The following TBCK variants were observed in gnomAD, a reference collection of about 807,000 sequenced individuals.
TBCK encodes TBC1 domain containing kinase.
A neutral mutation model predicts 113.4 loss-of-function variants in TBCK; 99 were observed. The ratio of observed to expected loss-of-function variants is 0.87; its 90% CI spans 0.74 to 1.03. The LOEUF (loss-of-function observed/expected upper bound fraction) is 1.03. Among genes scored for constraint, TBCK ranks in the 50% least tolerant of loss-of-function variants. The probability of loss-of-function intolerance (pLI) is 0.00; values close to 1 mark genes in which losing one functional copy is unlikely to be tolerated. For synonymous variants in TBCK, 369 were observed against 370.8 expected (o/e 1.00, Z 0.05); for missense variants, 1,045 against 1,061.3 (o/e 0.98, Z 0.21).
At chr4:106,092,741 G>GTGC (rs1174032472) in intron 25 of TBCK, among the ~76,000 whole-genome samples, 2 of 152,238 alleles carry the variant, frequency 1.3e-5, no homozygotes, top group Non-Finnish European at 2.9e-5. Flanking sequence ...TGCAAGCAAT[G>GTGC]TGCGCAGTCC....
intron 25 of TBCK, among the ~76,000 whole-genome samples, chr4:106,048,498 T>C (rs1046991891): frequency 3.9e-5 from 6 of 152,080 alleles, no homozygotes; most frequent in Admixed American, 3.9e-4. Flanking sequence ...CATCCTGTTC[T>C]TACTTCTCTT....
intron 1 of TBCK, 109 bp from the exon 2 acceptor site, chr4:106,309,098 C>G: frequency 1.7e-6 from 1 of 597,908 alleles, no homozygotes; most frequent in South Asian, 3.0e-5. Flanking sequence ...GAACACTTCA[C>G]AGTAAAAATA....
chr4:106,069,092 G>A (rs1336123242), intron 25 of TBCK, among the ~76,000 whole-genome samples: 2 of 152,130 alleles, frequency 1.3e-5, no homozygotes, highest in African/African-American at 4.8e-5. Flanking sequence ...CATTCTATAG[G>A]TTGCCTGTTC....
At chr4:106,218,362 G>T (rs1212947119) in intron 19 of TBCK, among the ~76,000 whole-genome samples, 1 of 149,488 alleles carries the variant, frequency 6.7e-6, no homozygotes, top group Non-Finnish European at 1.5e-5. Context: ...AGACAAAATT[G>T]ACAAATGGGA....
At chr4:106,257,105 G>A (rs1321645586) in intron 5 of TBCK, among the ~76,000 whole-genome samples, 1 of 152,032 alleles carries the variant, frequency 6.6e-6, no homozygotes, top group Non-Finnish European at 1.5e-5. Flanking sequence ...AATTTAAGAA[G>A]CAGGTAGTAA....
intron 23 of TBCK, among the ~76,000 whole-genome samples, chr4:106,123,278 T>A (rs981050666): frequency 4.6e-5 from 7 of 152,120 alleles, no homozygotes; most frequent in Non-Finnish European, 8.8e-5. Context: ...CACAATTGCT[T>A]CAAAGAGAAT....
chr4:106,119,972 C>T (rs76328851), intron 23 of TBCK, among the ~76,000 whole-genome samples: 19,686 of 152,112 alleles, frequency 0.13, 1,608 homozygotes, highest in South Asian at 0.24. Flanking sequence ...GCCAAGATGG[C>T]CGAATAGGAA....
At chr4:106,120,086 T>C (rs1260353873) in intron 23 of TBCK, among the ~76,000 whole-genome samples, 2 of 152,030 alleles carry the variant, frequency 1.3e-5, no homozygotes, top group Non-Finnish European at 2.9e-5. Context: ...TGCCAGACAG[T>C]GGGCGCAGGT....
At chr4:106,150,960 T>C (rs1215487963) in intron 23 of TBCK, among the ~76,000 whole-genome samples, 1 of 152,072 alleles carries the variant, frequency 6.6e-6, no homozygotes, top group East Asian at 1.9e-4. Context: ...AACAGTCCTT[T>C]CCTTAATGCA....
At chr4:106,145,437 T>C (rs1282037281) in intron 23 of TBCK, among the ~76,000 whole-genome samples, 1 of 152,244 alleles carries the variant, frequency 6.6e-6, no homozygotes, top group Non-Finnish European at 1.5e-5. Flanking sequence ...TTTATACTCA[T>C]GCTCACACAT....
intron 25 of TBCK, among the ~76,000 whole-genome samples, chr4:106,057,450 C>T (rs1735563569): frequency 6.6e-6 from 1 of 151,706 alleles, no homozygotes; most frequent in Admixed American, 6.6e-5. Flanking sequence ...TTCTAAAAAC[C>T]TTTAATAGCT....
Position 106,144,654 on chromosome 4 carries a change from TTA to T in TBCK, c.2235+26439_2235+26440del, listed in dbSNP as rs777185615. ...AAGTCTGTTCTTTTTAAAAAAATGA[TTA>T]TCTTTCTTTTGGCTTTTCCTTAATC... On this transcript the variant is annotated intron_variant, in intron 23 of 25. Transcript: ENST00000394708. Among the ~76,000 whole-genome samples the T allele has an allele frequency of 5.8e-4, 89 of 152,326 alleles. 3 individuals are homozygous for T. The highest frequency in any genetic ancestry group is 1.7e-3 in the Admixed American group (26 of 15,300).
At chr4:106,282,448 G>C (rs905295791) in intron 3 of TBCK, among the ~76,000 whole-genome samples, 1 of 150,296 alleles carries the variant, frequency 6.7e-6, no homozygotes, top group Non-Finnish European at 1.5e-5. Context: ...TACTAATTTT[G>C]GGATTGGTTT....
chr4:106,113,155 A>T (rs1158501786), intron 24 of TBCK, among the ~76,000 whole-genome samples: 1 of 152,236 alleles, frequency 6.6e-6, no homozygotes, highest in African/African-American at 2.4e-5. Flanking sequence ...GCCTACAAAA[A>T]TTAAAACTAA....
chr4:106,202,512 T>C (rs1484022977), intron 20 of TBCK, among the ~76,000 whole-genome samples: 1 of 152,088 alleles, frequency 6.6e-6, no homozygotes, highest in African/African-American at 2.4e-5. Flanking sequence ...TACGTTTTCA[T>C]TGAACACAGC....
intron 25 of TBCK, among the ~76,000 whole-genome samples, chr4:106,067,855 C>G (rs576434622): frequency 6.6e-6 from 1 of 152,196 alleles, no homozygotes; most frequent in South Asian, 2.1e-4. Context: ...GTCTATATGT[C>G]TATCATTATG....
At chr4:106,205,282 C>G (rs1052208246) in intron 20 of TBCK, among the ~76,000 whole-genome samples, 3 of 152,048 alleles carry the variant, frequency 2.0e-5, no homozygotes, top group Admixed American at 2.0e-4. Flanking sequence ...GTTGGAAGAT[C>G]TGTGTAACTC....
intron 19 of TBCK, among the ~76,000 whole-genome samples, chr4:106,214,575 C>G (rs1166696670): frequency 1.3e-5 from 2 of 151,920 alleles, no homozygotes; most frequent in African/African-American, 4.8e-5. Context: ...AATGCAGAAG[C>G]GTCAGGAGCC....
rs1759319806 is a variant in TBCK, at chr4:106,235,286, C to G, written c.1432G>C (p.Ala478Pro). Reference sequence around the variant, plus strand: ...TTCCTTACCTCAACTCCCAGAAGAGCAGCCCAGGTTAAACCTCTCATAAGA... The same window carrying G: ...TTCCTTACCTCAACTCCCAGAAGAGGAGCCCAGGTTAAACCTCTCATAAGA... Reference protein sequence around the residue: ...PPLMRGLTWAALLGVEGAIHA... With the variant: ...PPLMRGLTWAPLLGVEGAIHA... The change falls in exon 15 of 26, where the codon GCT becomes CCT. Residue 478 changes from alanine to proline, a missense_variant. By Grantham distance (27) the Ala-to-Pro change is conservative. Transcript: ENST00000394708. 2 of 1,603,632 alleles carry G rather than the reference C, an allele frequency of 1.2e-6. No homozygotes were observed. Among genetic ancestry groups the G allele is most frequent in the Non-Finnish European group, 1.7e-6 (2 of 1,175,918 alleles).
Sources: gnomAD v4.1 joint callset for allele counts (sites outside exome capture counted in the v4.1 genomes callset) on GRCh38, gnomAD v4.1.1 for gene constraint, MANE v1.5 for transcripts, NCBI Gene and HGNC (gene_info 2026-07-23, HGNC 2026-07-21) for gene names.